Variants in DPP10 observed in about 807,000 individuals in gnomAD.
The protein encoded by DPP10 is inactive dipeptidyl peptidase 10.
Under a neutral mutation model 120.9 loss-of-function variants are expected in DPP10, and 33 were observed. The ratio of observed to expected loss-of-function variants is 0.27; its 90% CI spans 0.21 to 0.37. DPP10 has a LOEUF of 0.37. Among genes scored for constraint, DPP10 ranks in the 10% least tolerant of loss-of-function variants. The pLI is 1.00. For synonymous variants in DPP10, 337 were observed against 326.1 expected, an observed-to-expected ratio of 1.03 and a Z score of -0.36; for missense variants, 816 against 942.8, an observed-to-expected ratio of 0.87 and a Z score of 1.76.
chr2:115,384,404 GAA>G (rs2066695178), intron 3 of DPP10, among the ~76,000 whole-genome samples: 4 of 119,474 alleles, frequency 3.3e-5, no homozygotes, highest in African/African-American at 5.0e-5. Flanking sequence ...AGAAGAAGGA[GAA>G]GGAGAAGAAG....
chr2:115,497,482 G>A (rs2076460144), intron 3 of DPP10, among the ~76,000 whole-genome samples: 1 of 152,006 alleles, frequency 6.6e-6, no homozygotes, highest in Non-Finnish European at 1.5e-5. Flanking sequence ...TACTTGTCGA[G>A]TGTTTTGTTT....
intron 1 of DPP10, among the ~76,000 whole-genome samples, chr2:115,222,143 A>T (rs2057202857): frequency 6.6e-6 from 1 of 152,110 alleles, no homozygotes. Context: ...CTTACGGGGG[A>T]AGAACTCTAA....
intron 3 of DPP10, among the ~76,000 whole-genome samples, chr2:115,473,374 A>G (rs1343903859): frequency 6.6e-6 from 1 of 152,150 alleles, no homozygotes; most frequent in Non-Finnish European, 1.5e-5. Flanking sequence ...ATTAGAGTCA[A>G]ATTGTTCCAT....
intron 3 of DPP10, among the ~76,000 whole-genome samples, chr2:115,395,573 G>C (rs906152466): frequency 6.6e-6 from 1 of 152,106 alleles, no homozygotes; most frequent in African/African-American, 2.4e-5. Context: ...AATGTATGCT[G>C]CTCTTTGAAG....
chr2:114,534,005 ATC>A (rs1174139747), intron 1 of DPP10, among the ~76,000 whole-genome samples: 1 of 152,188 alleles, frequency 6.6e-6, no homozygotes, highest in African/African-American at 2.4e-5. Flanking sequence ...TTTCTAGAAC[ATC>A]TGTTATTTGG....
chr2:115,749,888 A>C, intron 10 of DPP10: 17 of 634,448 alleles, frequency 2.7e-5, no homozygotes, highest in Non-Finnish European at 2.9e-5. Context: ...CATTCCACAT[A>C]ACCTTGTGTA....
At chr2:115,005,826 A>G (rs1701783351) in intron 1 of DPP10, among the ~76,000 whole-genome samples, 1 of 152,222 alleles carries the variant, frequency 6.6e-6, no homozygotes, top group Non-Finnish European at 1.5e-5. Context: ...TCCCCAATCT[A>G]GCAAGGCAGG....
chr2:114,782,322 C>T (rs1438005536), intron 1 of DPP10, among the ~76,000 whole-genome samples: 3 of 129,154 alleles, frequency 2.3e-5, no homozygotes, highest in Non-Finnish European at 4.8e-5. Flanking sequence ...CCAGTGAAAC[C>T]TGTGGAATAT....
chr2:115,161,952 C>T (rs1253641806), intron 1 of DPP10: 21 of 1,435,782 alleles, frequency 1.5e-5, no homozygotes, highest in Admixed American at 2.7e-5. Flanking sequence ...CGCGGGCCGC[C>T]GGCGATGACG....
rs372370108 is a variant in DPP10 at position 115,563,730 on chromosome 2, A to G, written c.441+37758A>G. Among the ~76,000 whole-genome samples, 14 of 152,356 alleles carry G rather than the reference A, an allele frequency of 9.2e-5. No homozygotes were observed. In the East Asian group the frequency reaches 2.5e-3, roughly 27 times the overall value. ...GAGACAGAATAAAGTTCAGAATCAA[A>G]GTAACAAGATGCTTAAGCCATTTTG... On this transcript the variant is annotated intron_variant, in intron 5 of 25. Coordinates refer to ENST00000410059, the MANE Select transcript of DPP10 (RefSeq NM_020868.6).
intron 1 of DPP10, among the ~76,000 whole-genome samples, chr2:114,869,228 G>A (rs1690484899): frequency 6.6e-6 from 1 of 152,008 alleles, no homozygotes; most frequent in South Asian, 2.1e-4. Flanking sequence ...TGTATATAAT[G>A]CCTGTATGTA....
At chr2:114,966,638 A>G (rs1699053979) in intron 1 of DPP10, among the ~76,000 whole-genome samples, 1 of 152,248 alleles carries the variant, frequency 6.6e-6, no homozygotes, top group Non-Finnish European at 1.5e-5. Context: ...ACAGCAACAC[A>G]CATGGACTAA....
chr2:115,497,076 C>CA (rs1237147354), intron 3 of DPP10, among the ~76,000 whole-genome samples: 5 of 152,142 alleles, frequency 3.3e-5, no homozygotes, highest in African/African-American at 1.2e-4. Flanking sequence ...ACAGTACTAT[C>CA]ATCTATATTA....
At chr2:114,462,029 A>C (rs946779089) in intron 1 of DPP10, 3 of 985,392 alleles carry the variant, frequency 3.0e-6, no homozygotes, top group African/African-American at 3.5e-5. Context: ...AATTCATCGC[A>C]GTTGAGAGAA....
intron 1 of DPP10, among the ~76,000 whole-genome samples, chr2:114,499,442 G>A (rs1335635148): frequency 1.3e-5 from 2 of 152,140 alleles, no homozygotes; most frequent in South Asian, 2.1e-4. Context: ...AAACAGCTTC[G>A]CTAAGCTGGA....
intron 1 of DPP10, among the ~76,000 whole-genome samples, chr2:114,447,969 A>G (rs1678035939): frequency 6.6e-6 from 1 of 152,226 alleles, no homozygotes; most frequent in Non-Finnish European, 1.5e-5. Flanking sequence ...ATAAACAAGA[A>G]TAGGACCATC....
chr2:115,537,421 G>A (rs983806543), intron 5 of DPP10, among the ~76,000 whole-genome samples: 4 of 151,972 alleles, frequency 2.6e-5, no homozygotes, highest in African/African-American at 9.7e-5. Flanking sequence ...TATATATTTG[G>A]CAAATATTAG....
intron 1 of DPP10, among the ~76,000 whole-genome samples, chr2:114,608,640 C>G (rs553024987): frequency 2.0e-5 from 3 of 151,690 alleles, no homozygotes; most frequent in African/African-American, 7.3e-5. Context: ...GGCAAAGACA[C>G]GGAATCAATG....
intron 1 of DPP10, among the ~76,000 whole-genome samples, chr2:115,263,887 AACAC>A (rs146158432): frequency 8.0e-5 from 12 of 150,514 alleles, no homozygotes; most frequent in Non-Finnish European, 1.3e-4. Context: ...AGGGATTCAA[AACAC>A]ACACACACAC....
Sources: gnomAD v4.1 joint callset for allele counts (sites outside exome capture counted in the v4.1 genomes callset) on GRCh38, gnomAD v4.1.1 for gene constraint, MANE v1.5 for transcripts, NCBI Gene and HGNC (gene_info 2026-07-23, HGNC 2026-07-21) for gene names.